The following SPAG16 variants were observed in gnomAD, a reference collection of about 807,000 sequenced individuals.
SPAG16 encodes sperm-associated antigen 16 protein.
A neutral mutation model predicts 80.4 loss-of-function variants in SPAG16; 86 were observed. The ratio of observed to expected loss-of-function variants is 1.07; its 90% confidence interval spans 0.90 to 1.28. The LOEUF (loss-of-function observed/expected upper bound fraction) is 1.28, where lower values mean the gene tolerates loss of function less well. Among genes scored for constraint, SPAG16 ranks in the 50% most tolerant of loss-of-function variants. The pLI is 0.00. For missense variants in SPAG16, 870 were observed against 765.3 expected, an observed-to-expected ratio of 1.14 and a Z score of -1.61; for synonymous variants, 294 against 265.9, an observed-to-expected ratio of 1.11 and a Z score of -1.03.
chr2:214,250,759 G>T (rs202020736), intron 15 of SPAG16, among the ~76,000 whole-genome samples: 2,247 of 93,816 alleles, frequency 0.024, 25 homozygotes, highest in East Asian at 0.082. Flanking sequence ...TATATATATA[G>T]AGAGAGAGAG....
intron 15 of SPAG16, among the ~76,000 whole-genome samples, chr2:214,339,509 C>A (rs75650955): frequency 0.068 from 10,285 of 152,180 alleles, 393 homozygotes; most frequent in South Asian, 0.11. Flanking sequence ...GACAGCCAAA[C>A]CATCCTAGGG....
intron 12 of SPAG16, among the ~76,000 whole-genome samples, chr2:213,948,422 C>T (rs1432022898): frequency 2.6e-5 from 4 of 152,268 alleles, no homozygotes; most frequent in East Asian, 3.9e-4. Context: ...TCTATTTGCT[C>T]GTATTTGGAA....
chr2:214,199,760 T>C (rs1193325463), intron 15 of SPAG16, among the ~76,000 whole-genome samples: 1 of 152,190 alleles, frequency 6.6e-6, no homozygotes, highest in African/African-American at 2.4e-5. Context: ...TTTGTTTGTA[T>C]CATCTATGAT....
chr2:214,015,305 AG>A (rs1394721795), intron 13 of SPAG16, among the ~76,000 whole-genome samples: 1 of 152,158 alleles, frequency 6.6e-6, no homozygotes. Context: ...GTCTTTTGAA[AG>A]GGCTGGTTTC....
intron 10 of SPAG16, among the ~76,000 whole-genome samples, chr2:213,588,542 C>A (rs2060550521): frequency 6.6e-6 from 1 of 150,846 alleles, no homozygotes; most frequent in Non-Finnish European, 1.5e-5. Context: ...GTGGCTCACG[C>A]CTGTAATCCC....
At chr2:214,150,726 A>T (rs1372547277) in intron 15 of SPAG16, among the ~76,000 whole-genome samples, 1 of 152,118 alleles carries the variant, frequency 6.6e-6, no homozygotes, top group African/African-American at 2.4e-5. Context: ...TTGAAATATC[A>T]TTACAATTAA....
chr2:213,519,239 G>T (rs750796112), intron 10 of SPAG16, among the ~76,000 whole-genome samples: 1 of 152,154 alleles, frequency 6.6e-6, no homozygotes, highest in Non-Finnish European at 1.5e-5. Context: ...ATTTTCTACT[G>T]ATTCATACCC....
chr2:213,451,112 T>G (rs1369624359), intron 9 of SPAG16, among the ~76,000 whole-genome samples: 2 of 150,300 alleles, frequency 1.3e-5, no homozygotes, highest in African/African-American at 5.0e-5. Flanking sequence ...GAAAGAACTA[T>G]AGGTAAACAA....
At chr2:214,109,094 CCTT>C (rs1295679638) in intron 14 of SPAG16, among the ~76,000 whole-genome samples, 1 of 152,138 alleles carries the variant, frequency 6.6e-6, no homozygotes, top group Non-Finnish European at 1.5e-5. Flanking sequence ...TTTCCTCCCT[CCTT>C]CTGTTATGGG....
At chr2:214,360,719 A>C (rs1292001530) in intron 15 of SPAG16, among the ~76,000 whole-genome samples, 1 of 151,840 alleles carries the variant, frequency 6.6e-6, no homozygotes, top group Non-Finnish European at 1.5e-5. Context: ...TTCCCTCTGA[A>C]GGTTCTATAA....
chr2:213,661,396 C>T (rs911096730), intron 10 of SPAG16, among the ~76,000 whole-genome samples: 14 of 152,100 alleles, frequency 9.2e-5, no homozygotes, highest in Non-Finnish European at 1.8e-4. Context: ...TAAGATACAA[C>T]TATTTTAATT....
intron 10 of SPAG16, among the ~76,000 whole-genome samples, chr2:213,622,495 T>C (rs1264413869): frequency 1.3e-5 from 2 of 152,234 alleles, no homozygotes; most frequent in Admixed American, 6.5e-5. Flanking sequence ...TGGCCTCTGC[T>C]GCAGCACCCA....
At chr2:213,582,164 A>T (rs1265342646) in intron 10 of SPAG16, among the ~76,000 whole-genome samples, 1 of 152,136 alleles carries the variant, frequency 6.6e-6, no homozygotes. Context: ...AGGTACAATG[A>T]AGAATCTACA....
chr2:213,717,754 A>G (rs967955704), intron 10 of SPAG16, among the ~76,000 whole-genome samples: 1 of 152,194 alleles, frequency 6.6e-6, no homozygotes, highest in African/African-American at 2.4e-5. Context: ...AGGAAAATAA[A>G]TAGACACAGA....
At chr2:214,160,287 G>T (rs1442749456) in intron 15 of SPAG16, among the ~76,000 whole-genome samples, 1 of 151,730 alleles carries the variant, frequency 6.6e-6, no homozygotes, top group African/African-American at 2.4e-5. Flanking sequence ...GATTATTACT[G>T]CTTTTTTGTT....
intron 15 of SPAG16, among the ~76,000 whole-genome samples, chr2:214,401,542 C>G (rs1349622363): frequency 1.3e-5 from 2 of 151,668 alleles, no homozygotes; most frequent in East Asian, 1.9e-4. Flanking sequence ...TTTGGAGAAA[C>G]CTATTGCTCA....
intron 13 of SPAG16, among the ~76,000 whole-genome samples, chr2:214,093,432 T>C (rs2052358036): frequency 6.6e-6 from 1 of 151,996 alleles, no homozygotes; most frequent in African/African-American, 2.4e-5. Flanking sequence ...CTAATGTATA[T>C]ATATATATTT....
intron 5 of SPAG16, among the ~76,000 whole-genome samples, chr2:213,318,130 G>T (rs2063477457): frequency 6.6e-6 from 1 of 151,834 alleles, no homozygotes; most frequent in African/African-American, 2.4e-5. Context: ...ATATCTCATT[G>T]TGGTTTTGAC....
chr2:214,252,617 A>T (rs1333755297), intron 15 of SPAG16, among the ~76,000 whole-genome samples: 1 of 152,150 alleles, frequency 6.6e-6, no homozygotes, highest in Non-Finnish European at 1.5e-5. Context: ...CCTGCAAAGA[A>T]CATGAACTCA....
Sources: allele counts gnomAD v4.1 joint callset (sites outside exome capture counted in the v4.1 genomes callset), GRCh38; gene constraint gnomAD v4.1.1; transcripts MANE v1.5; gene names NCBI Gene and HGNC (gene_info 2026-07-23, HGNC 2026-07-21).